Variants in ZNF131 observed in about 807,000 individuals in gnomAD.
ZNF131 encodes the protein zinc finger protein 131.
ZNF131 carries 7 observed loss-of-function variants against 60.0 expected under a neutral mutation model. The ratio of observed to expected loss-of-function variants is 0.12; its 90% CI spans 0.07 to 0.22. The LOEUF (loss-of-function observed/expected upper bound fraction) is 0.22. Among genes scored for constraint, ZNF131 ranks in the 10% least tolerant of loss-of-function variants. The pLI is 1.00. For missense variants in ZNF131, 493 were observed against 740.9 expected, an observed-to-expected ratio of 0.67 and a Z score of 3.88; for synonymous variants, 257 against 253.2, an observed-to-expected ratio of 1.01 and a Z score of -0.14.
At chr5:43,150,555 C>T (rs547178404) in intron 4 of ZNF131, among the ~76,000 whole-genome samples, 164 of 151,832 alleles carry the variant, frequency 1.1e-3, no homozygotes, top group South Asian at 5.8e-3. Flanking sequence ...TTTGGGAGGC[C>T]GAGGCGGGCG....
chr5:43,160,993 T>C (rs1275679994), intron 4 of ZNF131, among the ~76,000 whole-genome samples: 5 of 152,112 alleles, frequency 3.3e-5, no homozygotes, highest in African/African-American at 9.7e-5. Context: ...CACCTTTTTT[T>C]CCCCCATAAA....
chr5:43,144,214 G>A lies in ZNF131; in HGVS notation c.371+4905G>A, dbSNP rs529342856. On this transcript the variant is annotated intron_variant, in intron 4 of 6. Coordinates refer to ENST00000682664, the MANE Select transcript of ZNF131 (RefSeq NM_001330707.2). ...TGGGATTACAGGCGTGAGCCACGGC[G>A]CCTGGCCTTTTTTTCTTTCTTTCTT... Among the ~76,000 whole-genome samples the A allele has an allele frequency of 9.6e-5, 14 of 146,198 alleles. No homozygotes were observed. The East Asian group carries it at 2.2e-3, about 23-fold the overall frequency.
chr5:43,138,168 A>G (rs1327306278), intron 3 of ZNF131, among the ~76,000 whole-genome samples: 1 of 152,222 alleles, frequency 6.6e-6, no homozygotes, highest in East Asian at 1.9e-4. Flanking sequence ...TCTGTACAAC[A>G]TTGTACCTAG....
intron 5 of ZNF131, among the ~76,000 whole-genome samples, chr5:43,172,032 G>A (rs1269276607): frequency 3.3e-5 from 5 of 152,240 alleles, no homozygotes; most frequent in African/African-American, 1.2e-4. Context: ...ACAGGCATAA[G>A]CCACCATGTT....
intron 3 of ZNF131, 138 bp from the exon 4 acceptor site, chr5:43,139,027 A>C (rs1246735866): frequency 9.0e-6 from 6 of 663,948 alleles, no homozygotes; most frequent in African/African-American, 5.6e-5. Context: ...TTGTATTGCT[A>C]ATGAGAATTT....
At chr5:43,164,037 T>G (rs1018032265) in intron 5 of ZNF131, among the ~76,000 whole-genome samples, 33 of 152,300 alleles carry the variant, frequency 2.2e-4, no homozygotes, top group African/African-American at 7.7e-4. Flanking sequence ...TTAAAAGTCT[T>G]TAAGGTACTT....
At chr5:43,153,680 C>T (rs1748608475) in intron 4 of ZNF131, among the ~76,000 whole-genome samples, 1 of 151,952 alleles carries the variant, frequency 6.6e-6, no homozygotes. Context: ...GGCACAGAAT[C>T]CTGCTTTTTC....
intron 4 of ZNF131, among the ~76,000 whole-genome samples, chr5:43,157,434 C>T (rs1320045757): frequency 2.6e-5 from 4 of 152,072 alleles, no homozygotes; most frequent in Non-Finnish European, 5.9e-5. Context: ...ACCTTCTGTC[C>T]CACCCACCCA....
At chr5:43,170,799 A>AT (rs10710400) in intron 5 of ZNF131, among the ~76,000 whole-genome samples, 223 of 138,618 alleles carry the variant, frequency 1.6e-3, no homozygotes, top group African/African-American at 4.4e-3. Context: ...TGCCCAGCTA[A>AT]TTTTTTTTTT....
At chr5:43,148,054 T>C (rs1250395424) in intron 4 of ZNF131, among the ~76,000 whole-genome samples, 1 of 150,928 alleles carries the variant, frequency 6.6e-6, no homozygotes, top group African/African-American at 2.4e-5. Flanking sequence ...TTTTTTTTTT[T>C]TTTTTTTCTG....
At chr5:43,166,466 T>G (rs1750364508) in intron 5 of ZNF131, among the ~76,000 whole-genome samples, 1 of 151,392 alleles carries the variant, frequency 6.6e-6, no homozygotes, top group Admixed American at 6.6e-5. Context: ...GTTCACGCCA[T>G]TCTCCTACCT....
In ZNF131 at chr5:43,156,254, C is replaced by G. The variant is rs1748952494; in HGVS notation, c.372-4995C>G. The stretch of plus-strand genomic sequence containing the variant: ...TTAAAAAATGCAAGTCCATCCTCTC[C>G]CCATGGAAAAGTGGTATGGTGAGTT... On this transcript the variant is annotated intron_variant, in intron 4 of 6. Coordinates refer to ENST00000682664, the MANE Select transcript of ZNF131 (RefSeq NM_001330707.2). Among the ~76,000 whole-genome samples, 8 of 152,294 alleles carry G rather than the reference C, an allele frequency of 5.3e-5. 1 individual carries two copies. The South Asian group carries it at 1.7e-3, about 32-fold the overall frequency.
intron 3 of ZNF131, among the ~76,000 whole-genome samples, chr5:43,136,476 CTTTTTTTTTTTTT>C (rs70991484): frequency 1.6e-4 from 11 of 70,040 alleles, no homozygotes; most frequent in South Asian, 5.9e-4. Flanking sequence ...AGGCATCATA[CTTTTTTTTTTTTT>C]TTTTTTTTTT....
chr5:43,133,147 T>C (rs1000526388), intron 3 of ZNF131, among the ~76,000 whole-genome samples: 1 of 152,130 alleles, frequency 6.6e-6, no homozygotes, highest in Non-Finnish European at 1.5e-5. Context: ...CCGTCAAAAG[T>C]ATCAATGATA....
chr5:43,153,236 C>T (rs747835850), intron 4 of ZNF131, among the ~76,000 whole-genome samples: 17 of 152,078 alleles, frequency 1.1e-4, no homozygotes, highest in Non-Finnish European at 1.6e-4. Flanking sequence ...GAATGAAGTT[C>T]GAATTTCCTA....
intron 3 of ZNF131, among the ~76,000 whole-genome samples, chr5:43,138,440 G>A (rs1746408223): frequency 6.6e-6 from 1 of 152,134 alleles, no homozygotes; most frequent in South Asian, 2.1e-4. Context: ...ATCACTTGAG[G>A]TCGGGAGTTT....
chr5:43,173,019 A>AT, intron 5 of ZNF131: 1 of 195,508 alleles, frequency 5.1e-6, no homozygotes, highest in Non-Finnish European at 1.0e-5. Context: ...ATTGATCATG[A>AT]TTTTTATCTA....
At chr5:43,135,255 A>C (rs1410412805) in intron 3 of ZNF131, among the ~76,000 whole-genome samples, 2 of 145,224 alleles carry the variant, frequency 1.4e-5, no homozygotes, top group African/African-American at 5.1e-5. Context: ...TCGGCCTCCC[A>C]AAGTGCTGGG....
At chr5:43,138,706 A>G (rs1456238072) in intron 3 of ZNF131, among the ~76,000 whole-genome samples, 1 of 152,174 alleles carries the variant, frequency 6.6e-6, no homozygotes, top group East Asian at 1.9e-4. Context: ...TGTTTGAGAA[A>G]TAGTATATAG....
Sources: allele counts gnomAD v4.1 joint callset (sites outside exome capture counted in the v4.1 genomes callset), GRCh38; gene constraint gnomAD v4.1.1; transcripts MANE v1.5; gene names NCBI Gene and HGNC (gene_info 2026-07-23, HGNC 2026-07-21).